Variants in KIF1A observed in about 807,000 individuals in gnomAD.
KIF1A encodes kinesin-like protein KIF1A.
A neutral mutation model predicts 227.3 loss-of-function variants in KIF1A; 46 were observed. That is an observed-to-expected ratio of 0.20 (90% CI 0.16 to 0.26). The LOEUF (loss-of-function observed/expected upper bound fraction) is 0.26. Among genes scored for constraint, KIF1A ranks in the 10% least tolerant of loss-of-function variants. KIF1A has a pLI of 1.00. For missense variants in KIF1A, 1,683 were observed against 2,485.9 expected (o/e 0.68, Z 6.87); for synonymous variants, 1,022 against 1,012.8 (o/e 1.01, Z -0.17).
At chr2:240,785,793 CACG>C (rs1209144904) in intron 6 of KIF1A, among the ~76,000 whole-genome samples, 1 of 152,172 alleles carries the variant, frequency 6.6e-6, no homozygotes, top group Non-Finnish European at 1.5e-5. Flanking sequence ...GAGTGTGACT[CACG>C]ACCTCAGGAG....
At chr2:240,735,817 C>T (rs1228939272) in intron 38 of KIF1A, among the ~76,000 whole-genome samples, 4 of 152,176 alleles carry the variant, frequency 2.6e-5, no homozygotes, top group Non-Finnish European at 5.9e-5. Context: ...TCTCCCTCTC[C>T]CAGACGTGCT....
At position 240,721,010 on chromosome 2, in the gene KIF1A, C is replaced by T. The variant is rs114766540; in HGVS notation, c.4772G>A (p.Arg1591Gln). 13 of 1,611,290 alleles carry T rather than the reference C, an allele frequency of 8.1e-6. No individual in the cohort carries two copies. The highest frequency in any genetic ancestry group is 3.3e-5 in the South Asian group (3 of 90,602). The change falls in exon 45 of 49, where the codon CGG (arginine) becomes CAG (glutamine). Residue 1591 changes from arginine to glutamine, a missense_variant. Physicochemically the swap from Arg to Gln is conservative, Grantham distance 43 (BLOSUM62 1). Around this residue, in one of 12 missense-constraint regions of KIF1A, gnomAD observed 384 missense variants for 410.1 expected, o/e 0.94. Coordinates refer to ENST00000498729, the MANE Select transcript of KIF1A (RefSeq NM_001244008.2). ...CCCTAGAGGGGACATCGACGGGTCC[C>T]GGAGCAGGGTGACAGACATCTCGGA... The part of the protein sequence containing the change: ...KLSEMSVTLL[R>Q]DPSMSPLGVA...
intron 1 of KIF1A, among the ~76,000 whole-genome samples, chr2:240,799,655 A>G (rs2126160100): frequency 6.6e-6 from 1 of 152,314 alleles, no homozygotes; most frequent in East Asian, 1.9e-4. Flanking sequence ...AAAACTGGAA[A>G]AAGTCTTAGG....
intron 6 of KIF1A, among the ~76,000 whole-genome samples, 173 bp from the exon 7 acceptor site, chr2:240,785,273 G>A (rs1460204895): frequency 6.6e-6 from 1 of 152,204 alleles, no homozygotes; most frequent in Non-Finnish European, 1.5e-5. Flanking sequence ...CTCCAGCAGG[G>A]CCCATGGCCA....
chr2:240,757,641 G>C lies in KIF1A; in HGVS notation c.2583-47C>G. The C allele has an allele frequency of 6.5e-7, 1 of 1,538,270 alleles. No individual in the cohort carries two copies. ...AGAGAGAAGTTAACACCAGCGACTCGCAGGGACGAACAGGGGCCGGGGCCG... is the reference window on the plus strand; with the variant it reads ...AGAGAGAAGTTAACACCAGCGACTCCCAGGGACGAACAGGGGCCGGGGCCG... On this transcript the variant is annotated intron_variant, in intron 26 of 48. Coordinates refer to ENST00000498729, the MANE Select transcript of KIF1A (RefSeq NM_001244008.2). The surrounding 1 kb of genome is among the most constrained non-coding windows in gnomAD (Gnocchi z 6.2).
intron 10 of KIF1A, chr2:240,781,903 C>T: frequency 3.0e-6 from 3 of 985,440 alleles, no homozygotes; most frequent in Non-Finnish European, 3.6e-6. Flanking sequence ...ACTCCTCACA[C>T]GGGCCGCACA....
chr2:240,725,188 G>T lies in KIF1A; in HGVS notation c.4256+83C>A, dbSNP rs1485827605. The T allele has an allele frequency of 8.9e-6, 13 of 1,467,606 alleles. No homozygotes were observed. Among genetic ancestry groups the T allele is most frequent in the Non-Finnish European group, 1.2e-5 (13 of 1,086,402 alleles). The allele number at this position is 1,467,606 out of a possible 1,614,324, so 90.9% of individuals were successfully genotyped here. On this transcript the variant is annotated intron_variant, in intron 40 of 48. Coordinates refer to ENST00000498729, the MANE Select transcript of KIF1A (RefSeq NM_001244008.2). The surrounding 1 kb of genome is among the most constrained non-coding windows in gnomAD (Gnocchi z 5.8). ...CAGGGTGAGCTGCCGGGTGGCCCAA[G>T]GACCGCTGCCAGGCAGAGCCCTGCC...
rs1232172265 is a variant in KIF1A, at chr2:240,819,014, C to T, written c.-61+1108G>A. ...CGGGTCCGCGCCGGGCGACGTCGCG[C>T]TCGCGCCCAGCAGGCCCCATGACTT... On this transcript the variant is annotated intron_variant, in intron 1 of 48. Transcript: ENST00000498729. 5 of 152,400 alleles carry T rather than the reference C, an allele frequency of 3.3e-5. No homozygotes were observed. In the East Asian group the frequency reaches 7.7e-4, roughly 24 times the overall value. 9.4% of individuals were successfully genotyped at this position (152,400 alleles called of 1,614,324 possible). A position where few individuals can be genotyped will look rare whatever the true frequency, so the allele number is the denominator to read the frequency against.
intron 1 of KIF1A, among the ~76,000 whole-genome samples, chr2:240,819,488 T>A (rs888989112): frequency 9.2e-5 from 14 of 151,970 alleles, no homozygotes; most frequent in African/African-American, 3.4e-4. Flanking sequence ...ACGAAGCGGG[T>A]GGCCAGGCCC....
In KIF1A at chr2:240,714,960, ACGCCGCGAGTGCT is replaced by A. The variant is rs1453500930; in HGVS notation, c.*2391_*2403del. On this transcript the variant is annotated 3_prime_UTR_variant, in exon 49 of 49. Coordinates refer to ENST00000498729, the MANE Select transcript of KIF1A (RefSeq NM_001244008.2). ...CCAGGCACCTCCACTCAGCCCACCC[ACGCCGCGAGTGCT>A]CTGCAGGTTGGCTGGCCTCAGACAC... 2.0e-5 allele frequency: 3 copies of A among 152,182 alleles called. No homozygotes were observed. The highest frequency in any genetic ancestry group is 7.2e-5 in the African/African-American group (3 of 41,422). The allele number at this position is 152,182 out of a possible 1,614,324, so 9.4% of individuals were successfully genotyped here.
In KIF1A at chr2:240,770,958, G is replaced by A. The variant is rs769824746; in HGVS notation, c.1341+13C>T. 1.9e-6 allele frequency: 3 copies of A among 1,608,870 alleles called. No individual in the cohort carries two copies. The highest frequency in any genetic ancestry group is 2.2e-4 in the Middle Eastern group (1 of 4,590). On this transcript the variant is annotated intron_variant, in intron 15 of 48. Coordinates refer to ENST00000498729, the MANE Select transcript of KIF1A (RefSeq NM_001244008.2). ...AGAGTCTGACACCCTGAAGCCCCAG[G>A]TGGTGCCCTCACCTTCAGTCTTTCA...
At chr2:240,728,968 G>T (rs771446320) in intron 38 of KIF1A, among the ~76,000 whole-genome samples, 1 of 152,190 alleles carries the variant, frequency 6.6e-6, no homozygotes, top group Non-Finnish European at 1.5e-5. Flanking sequence ...TGAGAACAGA[G>T]CCTGGAGCTT....
At chr2:240,721,351 TG>T (rs2045355661) in intron 44 of KIF1A, among the ~76,000 whole-genome samples, 1 of 152,162 alleles carries the variant, frequency 6.6e-6, no homozygotes, top group African/African-American at 2.4e-5. Flanking sequence ...GAGGTGGCGC[TG>T]GGTGATGCCA....
intron 31 of KIF1A, 101 bp from the exon 32 acceptor site, chr2:240,745,618 C>T: frequency 8.1e-6 from 12 of 1,481,570 alleles, no homozygotes; most frequent in Non-Finnish European, 1.1e-5. Flanking sequence ...GCGTTCAGGG[C>T]CTGCGGGCTG....
intron 18 of KIF1A, 110 bp from the exon 19 acceptor site, chr2:240,767,131 G>T: frequency 8.9e-7 from 1 of 1,122,392 alleles, no homozygotes; most frequent in Non-Finnish European, 1.3e-6. Flanking sequence ...AACACCCAGC[G>T]CAGACATCAG....
chr2:240,736,477 C>T lies in KIF1A; in HGVS notation c.4007+586G>A, dbSNP rs1370386216. ...CGCAGGGGCTGCCTCCCTCTCCCAT[C>T]CCCTAACCCCAGCAGACCCCGATAG... On this transcript the variant is annotated intron_variant, in intron 38 of 48. Coordinates refer to ENST00000498729, the MANE Select transcript of KIF1A (RefSeq NM_001244008.2). This position sits in a 1 kb window ranked among gnomAD's most constrained non-coding sequence, Gnocchi z 4.7. Among the ~76,000 whole-genome samples the T allele has an allele frequency of 6.6e-6, 1 of 152,216 alleles. No homozygotes were observed. Among genetic ancestry groups the T allele is most frequent in the Non-Finnish European group, 1.5e-5 (1 of 68,044 alleles).
chr2:240,780,013 C>T (rs1441489618), intron 10 of KIF1A, among the ~76,000 whole-genome samples: 2 of 152,092 alleles, frequency 1.3e-5, no homozygotes, highest in African/African-American at 4.8e-5. Context: ...GTTCCACAAA[C>T]AGTTTCTCAA....
chr2:240,780,770 C>CCACACACACACACA (rs113684618), intron 10 of KIF1A, among the ~76,000 whole-genome samples: 5 of 71,504 alleles, frequency 7.0e-5, no homozygotes, highest in African/African-American at 3.0e-4. Flanking sequence ...CCACACAGCT[C>CCACACACACACACA]CACACACACA....
At chr2:240,733,386 G>T (rs2046975906) in intron 38 of KIF1A, among the ~76,000 whole-genome samples, 1 of 152,090 alleles carries the variant, frequency 6.6e-6, no homozygotes, top group Non-Finnish European at 1.5e-5. Flanking sequence ...GGAGAGGGAG[G>T]CCCCTGCTCA....
Sources: gnomAD v4.1 joint callset for allele counts (sites outside exome capture counted in the v4.1 genomes callset) on GRCh38, gnomAD v4.1.1 for gene constraint, gnomAD v4.1.1 regional missense constraint, Gnocchi (gnomAD v3.1) non-coding constraint, MANE v1.5 for transcripts, NCBI Gene and HGNC (gene_info 2026-07-23, HGNC 2026-07-21) for gene names.